The following FSIP2 variants were observed in gnomAD, a reference collection of about 807,000 sequenced individuals.
FSIP2 encodes fibrous sheath interacting protein 2.
In FSIP2, 367 loss-of-function variants were observed where a neutral mutation model predicts 510.5. The ratio of observed to expected loss-of-function variants is 0.72; its 90% CI spans 0.66 to 0.78. FSIP2 has a LOEUF of 0.78. Among genes scored for constraint, FSIP2 ranks in the 30% least tolerant of loss-of-function variants. The pLI is 0.00. For missense variants in FSIP2, 7,594 were observed against 7,901.7 expected (o/e 0.96, Z 1.48); for synonymous variants, 2,601 against 2,732.2 (o/e 0.95, Z 1.50).
Position 185,782,726 on chromosome 2 carries a change from A to T in FSIP2, c.1433A>T (p.Asp478Val). ...CESGPQAHAT[D>V]PGIFSSPVYT... ...ATAGGACCTCAGGCTCATGCTACAGACCCGGGTATATTTTCTTCTCCTGTT... is the reference window on the plus strand; with the variant it reads ...ATAGGACCTCAGGCTCATGCTACAGTCCCGGGTATATTTTCTTCTCCTGTT... The change falls in exon 14 of 23, where the codon GAC becomes GTC. Residue 478 changes from aspartate (D) to valine (V), a missense_variant. By Grantham distance (152) the Asp-to-Val change is radical. Coordinates refer to ENST00000424728, the MANE Select transcript of FSIP2 (RefSeq NM_173651.4). The T allele has an allele frequency of 6.7e-7, 1 of 1,503,588 alleles. No individual in the cohort carries two copies. The highest frequency in any genetic ancestry group is 8.9e-7 in the Non-Finnish European group (1 of 1,117,360). The allele number at this position is 1,503,588 out of a possible 1,614,324, so 93.1% of individuals were successfully genotyped here.
At chr2:185,752,700 C>T (rs900559312) in intron 7 of FSIP2, among the ~76,000 whole-genome samples, 1 of 151,068 alleles carries the variant, frequency 6.6e-6, no homozygotes, top group Non-Finnish European at 1.5e-5. Context: ...CTCTTCTTCA[C>T]TTTGTTTATA....
rs140801099 is a variant in FSIP2 at position 185,810,506 on chromosome 2, A to C, written c.19827+1373A>C. ...AACAGATGCCACTATGCTTCCTGTA[A>C]AGTCTGCAGAACCATGAGCCAGTTA... On this transcript the variant is annotated intron_variant, in intron 17 of 22. Transcript: ENST00000424728. Among the ~76,000 whole-genome samples the C allele has an allele frequency of 1.6e-4, 24 of 149,812 alleles. No individual in the cohort carries two copies. The East Asian group carries it at 3.6e-3, about 22-fold the overall frequency.
chr2:185,788,784 A>T lies in FSIP2; in HGVS notation c.1648A>T (p.Ile550Phe), dbSNP rs1431917644. 6.5e-7 allele frequency: 1 copy of T among 1,534,402 alleles called. No homozygotes were observed. Among genetic ancestry groups the T allele is most frequent in the Non-Finnish European group, 8.7e-7 (1 of 1,145,786 alleles). The change falls in exon 16 of 23, where the codon ATC becomes TTC. Residue 550 changes from isoleucine to phenylalanine, a missense_variant. Transcript: ENST00000424728. ...NNTYPVSDDS[I>F]LSSDSSSFCS... ...TACATACCCAGTATCTGATGACTCC[A>T]TCCTCTCTTCAGATAGTTCAAGTTT... is the stretch of plus-strand genomic sequence containing the variant.
rs1292010412 is a variant in FSIP2, at chr2:185,806,453, A to G, written c.17147A>G (p.Asn5716Ser). 7 of 1,611,916 alleles carry G rather than the reference A, an allele frequency of 4.3e-6. No individual in the cohort carries two copies. In the South Asian group the frequency reaches 5.5e-5, roughly 13 times the overall value. The stretch of plus-strand genomic sequence containing the variant: ...AGCCCCCCAGGTGATAATGTATTAA[A>G]TGTAATTCAAGAGATTAGCAGGGAT... Reference protein sequence around the residue: ...DQSPPGDNVLNVIQEISRDSA... With the variant: ...DQSPPGDNVLSVIQEISRDSA... The change falls in exon 17 of 23, where the codon AAT becomes AGT. Residue 5716 changes from asparagine (N) to serine (S), a missense_variant. Asn to Ser is a conservative substitution (Grantham distance 46, BLOSUM62 1). Coordinates refer to ENST00000424728, the MANE Select transcript of FSIP2 (RefSeq NM_173651.4).
intron 12 of FSIP2, 109 bp downstream of exon 12, chr2:185,763,398 T>G: frequency 1.6e-6 from 1 of 643,808 alleles, no homozygotes; most frequent in Non-Finnish European, 2.8e-6. Flanking sequence ...CAAAACAACT[T>G]TATTCCCTGA....
chr2:185,765,383 C>G (rs952414924), intron 13 of FSIP2: 34 of 152,054 alleles, frequency 2.2e-4, no homozygotes, highest in African/African-American at 8.2e-4. Context: ...TTTCCCAGCA[C>G]CATTTATTAA....
Position 185,804,032 on chromosome 2 carries a change from A to C in FSIP2, c.14726A>C (p.Gln4909Pro). 6.6e-7 allele frequency: 1 copy of C among 1,507,036 alleles called. No homozygotes were observed. The highest frequency in any genetic ancestry group is 8.8e-7 in the Non-Finnish European group (1 of 1,131,098). 93.4% of individuals were successfully genotyped at this position (1,507,036 alleles called of 1,614,324 possible). A position where few individuals can be genotyped will look rare whatever the true frequency, so the allele number is the denominator to read the frequency against. ...IIKEIFNHHI[Q>P]SFLSEDKTLL... ...AAAGAAATCTTTAACCATCATATTC[A>C]ATCATTTTTATCTGAAGATAAAACT... The change falls in exon 17 of 23, where the codon CAA becomes CCA. Residue 4909 changes from glutamine (Q) to proline (P), a missense_variant. Transcript: ENST00000424728.
Position 185,804,712 on chromosome 2 carries a change from G to A in FSIP2, c.15406G>A (p.Glu5136Lys), listed in dbSNP as rs1271436625. 1 of 1,530,706 alleles carries A rather than the reference G, an allele frequency of 6.5e-7. No homozygotes were observed. Among genetic ancestry groups the A allele is most frequent in the Non-Finnish European group, 8.7e-7 (1 of 1,144,380 alleles). The allele number at this position is 1,530,706 out of a possible 1,614,324, so 94.8% of individuals were successfully genotyped here. The change falls in exon 17 of 23, where the codon GAA becomes AAA. Residue 5136 changes from glutamate (E) to lysine (K), a missense_variant. Physicochemically the swap from Glu to Lys is moderately conservative, Grantham distance 56. Transcript: ENST00000424728. The part of the protein sequence containing the change: ...LGHVFPSTHT[E>K]NELKEKKFPP... ...GCATGTCTTCCCTTCAACTCACACTGAAAATGAACTAAAAGAGAAAAAGTT... is the reference window on the plus strand; with the variant it reads ...GCATGTCTTCCCTTCAACTCACACTAAAAATGAACTAAAAGAGAAAAAGTT...
intron 19 of FSIP2, among the ~76,000 whole-genome samples, chr2:185,817,058 T>C (rs570659797): frequency 3.3e-5 from 5 of 151,660 alleles, no homozygotes; most frequent in African/African-American, 1.2e-4. Flanking sequence ...AAAAAACACA[T>C]TCAAAATAGT....
intron 7 of FSIP2, among the ~76,000 whole-genome samples, chr2:185,747,938 A>G (rs1007903138): frequency 6.6e-6 from 1 of 152,124 alleles, no homozygotes; most frequent in African/African-American, 2.4e-5. Context: ...ATAATTAAAA[A>G]CAAGCATTGC....
In FSIP2 at chr2:185,806,879, G is replaced by A. The variant is rs900028930; in HGVS notation, c.17573G>A (p.Gly5858Asp). 2 of 1,608,606 alleles carry A rather than the reference G, an allele frequency of 1.2e-6. No homozygotes were observed. The highest frequency in any genetic ancestry group is 2.7e-5 in the African/African-American group (2 of 74,670). The part of the protein sequence containing the change: ...RPDKGNQFPG[G>D]KVSSVPKVPP... ...GATAAGGGAAATCAGTTCCCTGGGG[G>A]TAAAGTGTCTTCAGTTCCTAAAGTA... Residue 5858 changes from glycine to aspartate, a missense_variant, in exon 17 of 23, where the codon GGT (glycine) becomes GAT (aspartate). Transcript: ENST00000424728.
In FSIP2 at chr2:185,802,175, T is replaced by TA. The variant is rs1693455350; in HGVS notation, c.12870dup (p.Glu4291ArgfsTer16). ...GTTACACAGGTTCTGAGTGAAGTGA[T>TA]AGAGTCACACAGACCTCAGAAGCAA... On this transcript the variant is annotated frameshift_variant, in exon 17 of 23. Transcript: ENST00000424728. LOFTEE classifies it high-confidence loss of function. 6.5e-7 allele frequency: 1 copy of TA among 1,533,184 alleles called. No homozygotes were observed. The allele number at this position is 1,533,184 out of a possible 1,614,324, so 95.0% of individuals were successfully genotyped here. A position where few individuals can be genotyped will look rare whatever the true frequency, so the allele number is the denominator to read the frequency against.
At chr2:185,813,098 T>C (rs1218068436) in intron 17 of FSIP2, among the ~76,000 whole-genome samples, 2 of 152,074 alleles carry the variant, frequency 1.3e-5, no homozygotes, top group Non-Finnish European at 2.9e-5. Flanking sequence ...AAAACCATTA[T>C]TTGGGGTATT....
intron 19 of FSIP2, among the ~76,000 whole-genome samples, chr2:185,821,847 G>A (rs1453704323): frequency 6.6e-6 from 1 of 150,916 alleles, no homozygotes; most frequent in Non-Finnish European, 1.5e-5. Context: ...GATTTATTGA[G>A]CACAGGAAGT....
chr2:185,802,682 T>C lies in FSIP2; in HGVS notation c.13376T>C (p.Leu4459Pro). Residue 4459 changes from leucine to proline, a missense_variant, in exon 17 of 23, where the codon CTA becomes CCA. Transcript: ENST00000424728. ...KSTEPSQSVP[L>P]YNTLLPYTFL... ...ACTGAGCCAAGCCAGAGTGTACCTC[T>C]ATATAACACCTTGCTGCCATACACA... is the stretch of plus-strand genomic sequence containing the variant. The C allele has an allele frequency of 6.5e-7, 1 of 1,531,578 alleles. No individual in the cohort carries two copies. Among genetic ancestry groups the C allele is most frequent in the Non-Finnish European group, 8.7e-7 (1 of 1,144,668 alleles). 94.9% of individuals were successfully genotyped at this position (1,531,578 alleles called of 1,614,324 possible).
Position 185,806,084 on chromosome 2 carries a change from C to G in FSIP2, c.16778C>G (p.Thr5593Arg). Residue 5593 changes from threonine (T) to arginine (R), a missense_variant, in exon 17 of 23, where the codon ACA becomes AGA. By Grantham distance (71) the Thr-to-Arg change is moderately conservative. Transcript: ENST00000424728. ...CATTTTTCATTAATAATTGATGATA[C>G]AGAATATGAGAAGGAAGTACTTGGA... ...YTHFSLIIDD[T>R]EYEKEVLGSD... 1 of 1,572,432 alleles carries G rather than the reference C, an allele frequency of 6.4e-7. No individual in the cohort carries two copies. The highest frequency in any genetic ancestry group is 8.6e-7 in the Non-Finnish European group (1 of 1,161,318).
chr2:185,782,634 T>C (rs1692876695), intron 13 of FSIP2, 71 bp from the exon 14 acceptor site: 5 of 874,306 alleles, frequency 5.7e-6, no homozygotes, highest in South Asian at 1.4e-5. Flanking sequence ...AAATACCTAC[T>C]GGAGGATTAC....
chr2:185,796,635 T>C lies in FSIP2; in HGVS notation c.9499T>C (p.Phe3167Leu), dbSNP rs1412462253. 6.5e-7 allele frequency: 1 copy of C among 1,535,052 alleles called. No homozygotes were observed. The highest frequency in any genetic ancestry group is 2.0e-5 in the Admixed American group (1 of 50,902). Residue 3167 changes from phenylalanine (F) to leucine (L), a missense_variant, in exon 16 of 23, where the codon TTC (phenylalanine) becomes CTC (leucine). Phe to Leu is a conservative substitution (Grantham distance 22). Transcript: ENST00000424728. ...QVELATNMKMFTSKLKEGSLG... is the reference protein window; with the variant it reads ...QVELATNMKMLTSKLKEGSLG... ...TGAATTAGCAACTAATATGAAAATG[T>C]TCACATCAAAGTTAAAGGAAGGTAG...
chr2:185,781,602 G>C (rs927731491), intron 13 of FSIP2, among the ~76,000 whole-genome samples: 1 of 152,150 alleles, frequency 6.6e-6, no homozygotes, highest in African/African-American at 2.4e-5. Context: ...CCTAGGGCAG[G>C]TATCAGCTTC....
Sources: gnomAD v4.1 joint callset for allele counts (sites outside exome capture counted in the v4.1 genomes callset) on GRCh38, gnomAD v4.1.1 for gene constraint, MANE v1.5 for transcripts, NCBI Gene and HGNC (gene_info 2026-07-23, HGNC 2026-07-21) for gene names.